Variants in EXO1 observed in about 807,000 individuals in gnomAD.
EXO1 encodes the protein exonuclease 1.
EXO1 carries 69 observed loss-of-function variants against 84.5 expected under a neutral mutation model. The ratio of observed to expected loss-of-function variants is 0.82; its 90% CI spans 0.67 to 1.00. The LOEUF (loss-of-function observed/expected upper bound fraction) is 1.00, where lower values mean the gene tolerates loss of function less well. Among genes scored for constraint, EXO1 ranks in the 50% least tolerant of loss-of-function variants. The pLI is 0.00. For missense variants in EXO1, 1,045 were observed against 1,000.7 expected (o/e 1.04, Z -0.60); for synonymous variants, 373 against 366.1 (o/e 1.02, Z -0.21).
At chr1:241,880,168 C>A (rs1306005602) in intron 13 of EXO1, among the ~76,000 whole-genome samples, 1 of 152,154 alleles carries the variant, frequency 6.6e-6, no homozygotes, top group African/African-American at 2.4e-5. Flanking sequence ...CACAGGTGTG[C>A]ATACTGGTCT....
chr1:241,850,541 C>G lies in EXO1; in HGVS notation c.116C>G (p.Ala39Gly). 6.2e-7 allele frequency: 1 copy of G among 1,613,980 alleles called. No individual in the cohort carries two copies. The highest frequency in any genetic ancestry group is 8.5e-7 in the Non-Finnish European group (1 of 1,179,910). Residue 39 changes from alanine to glycine, a missense_variant, in exon 4 of 16, where the codon GCT becomes GGT. By Grantham distance (60) the Ala-to-Gly change is moderately conservative (BLOSUM62 0). Coordinates refer to ENST00000366548, the MANE Select transcript of EXO1 (RefSeq NM_130398.4). ...VDTYCWLHKG[A>G]IACAEKLAKG... ...ACATATTGCTGGCTTCACAAAGGAG[C>G]TATTGCTTGTGCTGAAAAACTAGCC...
intron 12 of EXO1, 89 bp downstream of exon 12, chr1:241,872,367 T>A (rs1662164125): frequency 7.1e-7 from 1 of 1,403,420 alleles, no homozygotes; most frequent in African/African-American, 1.4e-5. Context: ...TTAATTTATT[T>A]ATTATACTTT....
intron 8 of EXO1, among the ~76,000 whole-genome samples, chr1:241,859,736 A>G (rs1486739568): frequency 1.3e-5 from 2 of 152,250 alleles, no homozygotes; most frequent in East Asian, 1.9e-4. Context: ...GATACCATGT[A>G]TCATATATCA....
intron 6 of EXO1, among the ~76,000 whole-genome samples, chr1:241,855,572 G>A (rs569858773): frequency 6.6e-6 from 1 of 152,242 alleles, no homozygotes; most frequent in Non-Finnish European, 1.5e-5. Flanking sequence ...GTCCTGCGCC[G>A]TCTGCCCGCA....
Position 241,867,036 on chromosome 1 carries a change from T to A in EXO1, c.1248T>A (p.Ile416=), listed in dbSNP as rs769717898. The A allele has an allele frequency of 1.6e-5, 26 of 1,613,228 alleles. No homozygotes were observed. The highest frequency in any genetic ancestry group is 2.0e-5 in the Non-Finnish European group (24 of 1,179,288). ...TAAATCTCCCAAGGAAATCATCCAT[T>A]GTGAAAAGACCAAGAAGTGGTACGT... ...KGLNLPRKSS[I]VKRPRSAELS... The change falls in exon 11 of 16, where the codon ATT becomes ATA. Residue 416 remains isoleucine, a synonymous_variant. Transcript: ENST00000366548.
At chr1:241,885,916 C>T (rs184197689) in intron 15 of EXO1, among the ~76,000 whole-genome samples, 5 of 150,008 alleles carry the variant, frequency 3.3e-5, no homozygotes, top group Admixed American at 1.3e-4. Flanking sequence ...TGCAATGGTG[C>T]GATCTCCACT....
Position 241,878,758 on chromosome 1 carries a change from C to A in EXO1, c.1524C>A (p.Cys508Ter). Residue 508 changes from cysteine to a stop codon, truncating the protein, a stop_gained, in exon 13 of 16, where the codon TGC (cysteine) becomes TGA (stop). Transcript: ENST00000366548. LOFTEE classifies it high-confidence loss of function. ...VVPGTRSRFF[C>*]SSDSTDCVSN... ...TTGCTTTTTTTATTAGGTTTTTTTG[C>A]AGTTCAGATTCTACTGACTGTGTAT... The A allele has an allele frequency of 6.2e-7, 1 of 1,607,302 alleles. No homozygotes were observed. Among genetic ancestry groups the A allele is most frequent in the Non-Finnish European group, 8.5e-7 (1 of 1,175,368 alleles).
At position 241,850,599 on chromosome 1, in the gene EXO1, C is replaced by A; in HGVS notation, c.161+13C>A. On this transcript the variant is annotated intron_variant, in intron 4 of 15. Transcript: ENST00000366548. ...AACCTACTGATAGGTAAGTCTGGAC[C>A]TTATGTTAATTCTTTGACAATTAAG... 2 of 1,609,898 alleles carry A rather than the reference C, an allele frequency of 1.2e-6. No individual in the cohort carries two copies. Among genetic ancestry groups the A allele is most frequent in the South Asian group, 2.2e-5 (2 of 90,988 alleles).
chr1:241,880,189 CTGTT>C (rs1468260912), intron 13 of EXO1, among the ~76,000 whole-genome samples: 1 of 152,096 alleles, frequency 6.6e-6, no homozygotes, highest in Non-Finnish European at 1.5e-5. Context: ...AGAAGACTGT[CTGTT>C]TCTCTTCCTA....
At chr1:241,886,472 C>A (rs1232207092) in intron 15 of EXO1, among the ~76,000 whole-genome samples, 1 of 151,968 alleles carries the variant, frequency 6.6e-6, no homozygotes, top group African/African-American at 2.4e-5. Flanking sequence ...TTAAACCTTA[C>A]CTAGTAGAAA....
intron 4 of EXO1, 80 bp from the exon 5 acceptor site, chr1:241,852,212 T>A: frequency 7.9e-7 from 1 of 1,265,344 alleles, no homozygotes; most frequent in South Asian, 1.2e-5. Context: ...TTTCCATAGT[T>A]TTCTCATCTG....
chr1:241,871,655 C>T (rs1025557091), intron 11 of EXO1, among the ~76,000 whole-genome samples: 4 of 152,036 alleles, frequency 2.6e-5, no homozygotes, highest in Non-Finnish European at 4.4e-5. Context: ...AACATTTTAA[C>T]GATTGATCAT....
At chr1:241,849,666 T>A (rs1290983221) in intron 3 of EXO1, among the ~76,000 whole-genome samples, 8 of 152,246 alleles carry the variant, frequency 5.3e-5, no homozygotes, top group Non-Finnish European at 1.0e-4. Flanking sequence ...TCCTTTGTTT[T>A]TTAATTGAAA....
chr1:241,874,354 C>G (rs1053912684), intron 12 of EXO1, among the ~76,000 whole-genome samples: 3 of 152,230 alleles, frequency 2.0e-5, no homozygotes, highest in Non-Finnish European at 4.4e-5. Context: ...CATCATGCCA[C>G]TGCAGTCCAG....
At position 241,852,311 on chromosome 1, in the gene EXO1, A is replaced by C. The variant is rs759511297; in HGVS notation, c.181A>C (p.Lys61Gln). Residue 61 changes from lysine to glutamine, a missense_variant, in exon 5 of 16, where the codon AAA (lysine) becomes CAA (glutamine). Coordinates refer to ENST00000366548, the MANE Select transcript of EXO1 (RefSeq NM_130398.4). ...PTDRYVGFCM[K>Q]FVNMLLSHGI... ...CCATAGGTATGTAGGATTTTGTATG[A>C]AATTTGTAAATATGTTACTATCTCA... 4.4e-6 allele frequency: 7 copies of C among 1,600,488 alleles called. No homozygotes were observed. Among genetic ancestry groups the C allele is most frequent in the South Asian group, 1.1e-5 (1 of 90,812 alleles).
At chr1:241,880,294 C>T (rs2148516263) in intron 13 of EXO1, among the ~76,000 whole-genome samples, 1 of 152,278 alleles carries the variant, frequency 6.6e-6, no homozygotes, top group African/African-American at 2.4e-5. Flanking sequence ...CTATCTTGAA[C>T]ATCTTTCATA....
chr1:241,850,890 A>C (rs1660634910), intron 4 of EXO1, among the ~76,000 whole-genome samples: 1 of 130,032 alleles, frequency 7.7e-6, no homozygotes, highest in Non-Finnish European at 1.5e-5. Flanking sequence ...GCTGGAGTGC[A>C]GTGGCACAAT....
intron 10 of EXO1, among the ~76,000 whole-genome samples, chr1:241,863,546 G>A (rs1416417887): frequency 6.6e-6 from 1 of 151,912 alleles, no homozygotes; most frequent in East Asian, 1.9e-4. Context: ...AAAAAAAGAA[G>A]TGAGCCTGGA....
Position 241,855,793 on chromosome 1 carries a change from C to T in EXO1, c.406-1552C>T, listed in dbSNP as rs532973164. Among the ~76,000 whole-genome samples the T allele has an allele frequency of 2.6e-5, 4 of 152,338 alleles. No homozygotes were observed. The South Asian group carries it at 8.3e-4, about 32-fold the overall frequency. On this transcript the variant is annotated intron_variant, in intron 6 of 15. Transcript: ENST00000366548. ...CGGTGGGCCGGCACTGCTGGGGGAC[C>T]CAGTACATCCTCCGCAGCCGCTGGC...
Sources: gnomAD v4.1 joint callset for allele counts (sites outside exome capture counted in the v4.1 genomes callset) on GRCh38, gnomAD v4.1.1 for gene constraint, MANE v1.5 for transcripts, NCBI Gene and HGNC (gene_info 2026-07-23, HGNC 2026-07-21) for gene names.